Variants in PTPRD observed in about 807,000 individuals in gnomAD.
The protein encoded by PTPRD is receptor-type tyrosine-protein phosphatase delta.
Under a neutral mutation model 214.5 loss-of-function variants are expected in PTPRD, and 34 were observed. The ratio of observed to expected loss-of-function variants is 0.16; its 90% CI spans 0.12 to 0.21. The LOEUF (loss-of-function observed/expected upper bound fraction) is 0.21, where lower values mean the gene tolerates loss of function less well. PTPRD is among the 10% of genes least tolerant of loss of function. PTPRD has a pLI of 1.00. For missense variants in PTPRD, 2,545 were observed against 2,398.7 expected (o/e 1.06, Z -1.27); for synonymous variants, 1,128 against 845.7 (o/e 1.33, Z -5.79).
At chr9:9,076,762 G>T (rs2099751809) in intron 10 of PTPRD, among the ~76,000 whole-genome samples, 1 of 150,792 alleles carries the variant, frequency 6.6e-6, no homozygotes, top group African/African-American at 2.4e-5. Flanking sequence ...AAACATGGAA[G>T]TGCAGATATC....
chr9:10,221,422 G>T (rs575498963), intron 3 of PTPRD, among the ~76,000 whole-genome samples: 2 of 151,780 alleles, frequency 1.3e-5, no homozygotes, highest in South Asian at 4.2e-4. Flanking sequence ...TTTTCCTAAG[G>T]GATTTTTTAA....
chr9:10,336,087 G>C (rs1174794182), intron 3 of PTPRD, among the ~76,000 whole-genome samples: 1 of 151,656 alleles, frequency 6.6e-6, no homozygotes, highest in African/African-American at 2.4e-5. Context: ...TGTGCTCCTT[G>C]GTATTTACCC....
intron 3 of PTPRD, among the ~76,000 whole-genome samples, chr9:10,217,694 T>C (rs2099547742): frequency 6.6e-6 from 1 of 151,804 alleles, no homozygotes; most frequent in South Asian, 2.1e-4. Context: ...GGTCACATCA[T>C]CATAGTAGTC....
At chr9:8,887,964 C>G (rs1401724621) in intron 11 of PTPRD, among the ~76,000 whole-genome samples, 1 of 152,168 alleles carries the variant, frequency 6.6e-6, no homozygotes, top group Non-Finnish European at 1.5e-5. Context: ...GTGCATTTAA[C>G]ATGAAACACA....
intron 8 of PTPRD, among the ~76,000 whole-genome samples, chr9:9,429,095 A>G (rs2082099454): frequency 6.6e-6 from 1 of 152,220 alleles, no homozygotes; most frequent in African/African-American, 2.4e-5. Flanking sequence ...AAACCCTTCA[A>G]AAATCAATGA....
chr9:9,746,984 C>T (rs2098464772), intron 6 of PTPRD, among the ~76,000 whole-genome samples: 1 of 152,012 alleles, frequency 6.6e-6, no homozygotes. Flanking sequence ...TGTTAGGAAA[C>T]GTTTAACATG....
chr9:9,390,165 C>T (rs562320618), intron 9 of PTPRD, among the ~76,000 whole-genome samples: 1 of 152,096 alleles, frequency 6.6e-6, no homozygotes, highest in South Asian at 2.1e-4. Context: ...CCTGGGACAG[C>T]GGGGAAGCCG....
At chr9:9,846,987 T>C in intron 5 of PTPRD, among the ~76,000 whole-genome samples, 1 of 152,118 alleles carries the variant, frequency 6.6e-6, no homozygotes, top group East Asian at 1.9e-4. Context: ...AATATATATT[T>C]TTTTGAGTAT....
intron 12 of PTPRD, among the ~76,000 whole-genome samples, chr9:8,712,061 T>G (rs2098346174): frequency 1.3e-5 from 2 of 152,146 alleles, no homozygotes; most frequent in Admixed American, 1.3e-4. Flanking sequence ...CATACAACAG[T>G]ACAACACAAA....
At chr9:10,286,070 T>A (rs2095342472) in intron 3 of PTPRD, among the ~76,000 whole-genome samples, 1 of 152,194 alleles carries the variant, frequency 6.6e-6, no homozygotes, top group African/African-American at 2.4e-5. Flanking sequence ...TATGCATGTA[T>A]GTTTGTGTTA....
intron 14 of PTPRD, among the ~76,000 whole-genome samples, chr9:8,550,568 T>C (rs1378949796): frequency 6.6e-6 from 1 of 152,222 alleles, no homozygotes; most frequent in Non-Finnish European, 1.5e-5. Flanking sequence ...CGTATGTGCT[T>C]ATGTGCACAC....
intron 4 of PTPRD, among the ~76,000 whole-genome samples, chr9:9,974,849 CAGTG>C (rs1232935011): frequency 6.6e-6 from 1 of 152,054 alleles, no homozygotes; most frequent in East Asian, 1.9e-4. Context: ...ATGTAGCATG[CAGTG>C]AGTGAGAACT....
chr9:10,084,069 G>C (rs1056467614), intron 3 of PTPRD, among the ~76,000 whole-genome samples: 2 of 151,838 alleles, frequency 1.3e-5, no homozygotes, highest in Admixed American at 6.6e-5. Flanking sequence ...CCCAATTTTA[G>C]AAACACAGTT....
intron 3 of PTPRD, among the ~76,000 whole-genome samples, chr9:10,042,002 C>T (rs991974948): frequency 1.1e-4 from 17 of 152,000 alleles, no homozygotes; most frequent in Non-Finnish European, 2.5e-4. Flanking sequence ...ACTACACAAT[C>T]GTCCTCAGAA....
intron 8 of PTPRD, among the ~76,000 whole-genome samples, chr9:9,488,251 C>T (rs2095742724): frequency 6.6e-6 from 1 of 152,218 alleles, no homozygotes; most frequent in South Asian, 2.1e-4. Flanking sequence ...CACTCCATCA[C>T]TCTCTGGAAT....
At chr9:10,583,763 C>T (rs1442190284) in intron 2 of PTPRD, among the ~76,000 whole-genome samples, 1 of 152,170 alleles carries the variant, frequency 6.6e-6, no homozygotes, top group Non-Finnish European at 1.5e-5. Flanking sequence ...CAGGCGTGAG[C>T]CACCGCGCCC....
intron 9 of PTPRD, among the ~76,000 whole-genome samples, chr9:9,215,568 T>A (rs953939954): frequency 2.0e-5 from 3 of 152,136 alleles, no homozygotes; most frequent in African/African-American, 7.2e-5. Flanking sequence ...TTGGCAGGAA[T>A]TTCCCCTACT....
chr9:8,793,758 T>G (rs1243096972), intron 11 of PTPRD, among the ~76,000 whole-genome samples: 1 of 152,144 alleles, frequency 6.6e-6, no homozygotes, highest in Non-Finnish European at 1.5e-5. Context: ...ATAACGCAAG[T>G]GCTTTATTTG....
intron 8 of PTPRD, among the ~76,000 whole-genome samples, chr9:9,439,914 G>A (rs543005249): frequency 4.6e-5 from 7 of 152,262 alleles, no homozygotes; most frequent in African/African-American, 1.7e-4. Flanking sequence ...GCTGGGAAGT[G>A]GCAGAGCAGG....
Sources: allele counts gnomAD v4.1 joint callset (sites outside exome capture counted in the v4.1 genomes callset), GRCh38; gene constraint gnomAD v4.1.1; transcripts MANE v1.5; gene names NCBI Gene and HGNC (gene_info 2026-07-23, HGNC 2026-07-21).